The following PGM3 variants were observed in gnomAD, a reference collection of about 807,000 sequenced individuals.
PGM3 encodes the protein phosphoglucomutase 3.
PGM3 carries 40 observed loss-of-function variants against 66.2 expected under a neutral mutation model. The ratio of observed to expected loss-of-function variants is 0.60; its 90% CI spans 0.47 to 0.79. The LOEUF is 0.79. Among genes scored for constraint, PGM3 ranks in the 30% least tolerant of loss-of-function variants. The pLI, the probability that PGM3 is intolerant of heterozygous loss-of-function variation, is 0.00. For synonymous variants in PGM3, 191 were observed against 224.2 expected, an observed-to-expected ratio of 0.85 and a Z score of 1.32; for missense variants, 537 against 643.4, an observed-to-expected ratio of 0.83 and a Z score of 1.79.
chr6:83,156,286 G>A (rs1782767419), downstream of PGM3, among the ~76,000 whole-genome samples: 1 of 152,170 alleles, frequency 6.6e-6, no homozygotes, highest in African/African-American at 2.4e-5. Context: ...TCATCACTGA[G>A]TTGTAGGACT....
chr6:83,185,925 A>G (rs939064724), intron 4 of PGM3, among the ~76,000 whole-genome samples: 9 of 152,284 alleles, frequency 5.9e-5, no homozygotes, highest in Middle Eastern at 6.8e-3. Context: ...GAAGACCAAT[A>G]TGGAATAGTG....
chr6:83,183,145 A>T (rs1423376591), intron 4 of PGM3, among the ~76,000 whole-genome samples, 167 bp from the exon 5 acceptor site: 1 of 152,246 alleles, frequency 6.6e-6, no homozygotes, highest in Admixed American at 6.5e-5. Flanking sequence ...TGACTATAAG[A>T]AGCCAAAAAA....
downstream of PGM3, chr6:83,157,343 G>A (rs1331022655): frequency 5.0e-6 from 8 of 1,606,888 alleles, no homozygotes; most frequent in African/African-American, 1.3e-5. Context: ...ATTCAGTCAG[G>A]TTATAAATCT....
At chr6:83,155,936 C>CAA in the PGM3 span, 1 of 1,603,606 alleles carries the variant, frequency 6.2e-7, no homozygotes, top group Non-Finnish European at 8.5e-7. Flanking sequence ...CAGTCTCTTT[C>CAA]ACTTGCTTTT....
chr6:83,158,384 T>C (rs1358714672), downstream of PGM3, among the ~76,000 whole-genome samples: 3 of 152,210 alleles, frequency 2.0e-5, no homozygotes, highest in Non-Finnish European at 4.4e-5. Context: ...TTTCACCAAA[T>C]GATTAGCAAG....
chr6:83,193,414 G>C, upstream of PGM3: 1 of 152,290 alleles, frequency 6.6e-6, no homozygotes, highest in South Asian at 2.1e-4. Flanking sequence ...AGCGGGGTCT[G>C]GGGCTGTTAC....
intron 10 of PGM3, among the ~76,000 whole-genome samples, chr6:83,172,817 C>CTT (rs1037611812): frequency 3.3e-5 from 5 of 152,098 alleles, no homozygotes; most frequent in African/African-American, 9.7e-5. Flanking sequence ...TATTAAAATA[C>CTT]TTGTGTGTGA....
intron 1 of PGM3, 76 bp from the exon 2 acceptor site, chr6:83,191,090 C>T: frequency 6.7e-7 from 1 of 1,484,940 alleles, no homozygotes; most frequent in Non-Finnish European, 9.3e-7. Context: ...AACTGCCACC[C>T]CAAACGAATA....
chr6:83,185,589 C>T (rs1788519371), intron 4 of PGM3, among the ~76,000 whole-genome samples: 1 of 151,982 alleles, frequency 6.6e-6, no homozygotes, highest in Non-Finnish European at 1.5e-5. Context: ...TGATGAAACG[C>T]CATCTCTACT....
intron 11 of PGM3, chr6:83,170,702 G>C (rs1482660389): frequency 2.2e-6 from 1 of 461,016 alleles, no homozygotes; most frequent in African/African-American, 1.9e-5. Context: ...CAAATGCTTA[G>C]AGTTACCACT....
chr6:83,158,687 C>A, downstream of PGM3: 1 of 1,096,450 alleles, frequency 9.1e-7, no homozygotes, highest in Non-Finnish European at 1.4e-6. Flanking sequence ...CAGAATATTA[C>A]TCAGCATCTA....
At chr6:83,180,072 C>T in intron 6 of PGM3, 105 bp from the exon 7 acceptor site, 1 of 804,138 alleles carries the variant, frequency 1.2e-6, no homozygotes, top group East Asian at 2.7e-5. Flanking sequence ...ATGTCTTAAT[C>T]TTAAATAGTG....
Position 83,166,593 on chromosome 6 carries a change from A to G in PGM3, c.*2641T>C, listed in dbSNP as rs188547508. 122 of 665,870 alleles carry G rather than the reference A, an allele frequency of 1.8e-4. No homozygotes were observed. The East Asian group carries it at 3.2e-3, about 17-fold the overall frequency. The allele number at this position is 665,870 out of a possible 1,614,324, so 41.2% of individuals were successfully genotyped here. ...GTGAGAAATATGCTTAAAATGATGT[A>G]TAACATAACCACATTTATTTAAGAA... On this transcript the variant is annotated 3_prime_UTR_variant, in exon 13 of 13. Transcript: ENST00000513973.
chr6:83,190,055 G>A (rs948024041), intron 2 of PGM3, among the ~76,000 whole-genome samples: 37 of 152,246 alleles, frequency 2.4e-4, no homozygotes, highest in African/African-American at 6.7e-4. Flanking sequence ...GAAGACTAAC[G>A]TACAGCGTGG....
the PGM3 span, chr6:83,151,810 A>G: frequency 2.0e-6 from 3 of 1,485,118 alleles, no homozygotes; most frequent in Non-Finnish European, 2.8e-6. Context: ...ATTATCAGAA[A>G]TATAAACTAC....
chr6:83,182,009 T>C, intron 5 of PGM3, 78 bp from the exon 6 acceptor site: 2 of 689,900 alleles, frequency 2.9e-6, no homozygotes, highest in East Asian at 3.1e-5. Flanking sequence ...TATATACATA[T>C]GTGCATATGT....
At chr6:83,177,979 G>A (rs1787904629) in intron 8 of PGM3, among the ~76,000 whole-genome samples, 1 of 152,068 alleles carries the variant, frequency 6.6e-6, no homozygotes, top group Admixed American at 6.6e-5. Context: ...TACTATATTT[G>A]GAGTTGAGCC....
intron 4 of PGM3, among the ~76,000 whole-genome samples, chr6:83,185,154 G>C (rs888213983): frequency 6.6e-6 from 1 of 152,202 alleles, no homozygotes; most frequent in African/African-American, 2.4e-5. Context: ...ACATGAGACA[G>C]AAGCAGGCCA....
chr6:83,187,127 T>A (rs1386526676), intron 3 of PGM3, 52 bp from the exon 4 acceptor site: 3 of 1,189,700 alleles, frequency 2.5e-6, no homozygotes, highest in Non-Finnish European at 3.7e-6. Context: ...ACTGGCAGGG[T>A]TGCTGGTTCT....
Sources: gnomAD v4.1 joint callset for allele counts (sites outside exome capture counted in the v4.1 genomes callset) on GRCh38, gnomAD v4.1.1 for gene constraint, MANE v1.5 for transcripts, NCBI Gene and HGNC (gene_info 2026-07-23, HGNC 2026-07-21) for gene names.